Variants in ARHGAP26 observed in about 807,000 individuals in gnomAD.
The protein encoded by ARHGAP26 is rho GTPase-activating protein 26.
In ARHGAP26, 38 loss-of-function variants were observed where a neutral mutation model predicts 104.8. The observed-to-expected ratio is 0.36, with a 90% confidence interval of 0.28 to 0.48. The LOEUF (loss-of-function observed/expected upper bound fraction) is 0.48. Among genes scored for constraint, ARHGAP26 ranks in the 20% least tolerant of loss-of-function variants. ARHGAP26 has a pLI of 0.99. For synonymous variants in ARHGAP26, 341 were observed against 340.0 expected (o/e 1.00, Z -0.03); for missense variants, 704 against 947.9 (o/e 0.74, Z 3.38).
At chr5:142,883,468 T>C (rs1179563402) in intron 4 of ARHGAP26, among the ~76,000 whole-genome samples, 1 of 152,268 alleles carries the variant, frequency 6.6e-6, no homozygotes, top group Non-Finnish European at 1.5e-5. Context: ...TGTTCTTGTA[T>C]GTGAACAGTC....
At chr5:143,160,441 T>G (rs1487837030) in intron 20 of ARHGAP26, among the ~76,000 whole-genome samples, 8 of 151,294 alleles carry the variant, frequency 5.3e-5, no homozygotes, top group African/African-American at 1.9e-4. Context: ...GACAGAAGAG[T>G]AAGGCCTTTA....
intron 17 of ARHGAP26, among the ~76,000 whole-genome samples, chr5:143,096,096 A>G (rs1792267382): frequency 6.6e-6 from 1 of 152,184 alleles, no homozygotes; most frequent in African/African-American, 2.4e-5. Context: ...CAGTTACATT[A>G]AGATCTATTG....
At position 143,149,641 on chromosome 5, in the gene ARHGAP26, G is replaced by A. The variant is rs570753335; in HGVS notation, c.1988+2260G>A. On this transcript the variant is annotated intron_variant, in intron 20 of 22. Coordinates refer to ENST00000645722, the MANE Select transcript of ARHGAP26 (RefSeq NM_001135608.3). ...ATCTGTCGGCACACAGACGTGCCACGGTAACAATCACCTGAGACGACTTGG... is the reference window on the plus strand; with the variant it reads ...ATCTGTCGGCACACAGACGTGCCACAGTAACAATCACCTGAGACGACTTGG... Among the ~76,000 whole-genome samples, 125 of 152,236 alleles carry A rather than the reference G, an allele frequency of 8.2e-4. 1 individual carries two copies. The highest frequency in any genetic ancestry group is 2.2e-4 in the Non-Finnish European group (15 of 68,016).
intron 20 of ARHGAP26, among the ~76,000 whole-genome samples, chr5:143,185,835 G>A (rs529670187): frequency 6.6e-6 from 1 of 152,166 alleles, no homozygotes; most frequent in South Asian, 2.1e-4. Flanking sequence ...GAGGAGTGAA[G>A]CTTCCCAGCC....
chr5:142,821,758 A>G (rs1247286029), intron 1 of ARHGAP26, among the ~76,000 whole-genome samples: 1 of 152,178 alleles, frequency 6.6e-6, no homozygotes, highest in Non-Finnish European at 1.5e-5. Flanking sequence ...AACTCTGTGT[A>G]GGAGGAATTT....
chr5:142,873,377 T>A, intron 1 of ARHGAP26, 23 bp from the exon 2 acceptor site: 2 of 1,575,902 alleles, frequency 1.3e-6, no homozygotes. Context: ...AATTCCTGAT[T>A]TTTCCTGTCT....
intron 20 of ARHGAP26, among the ~76,000 whole-genome samples, chr5:143,149,941 A>T (rs1310729499): frequency 6.6e-6 from 1 of 152,208 alleles, no homozygotes; most frequent in Non-Finnish European, 1.5e-5. Flanking sequence ...TAGTGAAAGA[A>T]ACATGTTTGT....
chr5:143,002,469 G>A (rs1014000051), intron 11 of ARHGAP26, among the ~76,000 whole-genome samples: 6 of 152,084 alleles, frequency 3.9e-5, no homozygotes, highest in African/African-American at 1.4e-4. Flanking sequence ...GATGGGAGGT[G>A]GTCTCTCCTC....
chr5:142,960,991 C>T (rs1055726721), intron 11 of ARHGAP26, among the ~76,000 whole-genome samples: 7 of 152,182 alleles, frequency 4.6e-5, no homozygotes, highest in African/African-American at 1.7e-4. Context: ...ATAAAATTAC[C>T]ACTTGCCTCT....
At chr5:142,816,958 C>T (rs941534082) in intron 1 of ARHGAP26, among the ~76,000 whole-genome samples, 1 of 151,968 alleles carries the variant, frequency 6.6e-6, no homozygotes, top group African/African-American at 2.4e-5. Flanking sequence ...GAGAAACCTA[C>T]AAGTGGGCTG....
chr5:142,907,484 T>G (rs1443833096), intron 8 of ARHGAP26: 3 of 291,804 alleles, frequency 1.0e-5, no homozygotes, highest in African/African-American at 6.5e-5. Flanking sequence ...AACAGTCTTC[T>G]TTGGTCCCTG....
At chr5:142,919,112 T>C in intron 10 of ARHGAP26, 1 of 397,498 alleles carries the variant, frequency 2.5e-6, no homozygotes, top group Non-Finnish European at 4.4e-6. Context: ...TATCTGAAAA[T>C]GTTGCCTTAT....
At chr5:143,128,564 C>T (rs112630382) in intron 18 of ARHGAP26, among the ~76,000 whole-genome samples, 2 of 152,302 alleles carry the variant, frequency 1.3e-5, no homozygotes, top group African/African-American at 4.8e-5. Flanking sequence ...GGCTTCTTAA[C>T]AGTTACAATA....
At chr5:142,941,430 C>G (rs956314944) in intron 11 of ARHGAP26, among the ~76,000 whole-genome samples, 11 of 152,098 alleles carry the variant, frequency 7.2e-5, no homozygotes, top group Non-Finnish European at 1.5e-5. Context: ...AGTGAAATCC[C>G]CAGTGTGGTT....
At chr5:142,966,974 TATC>T in intron 11 of ARHGAP26, among the ~76,000 whole-genome samples, 1 of 152,286 alleles carries the variant, frequency 6.6e-6, no homozygotes, top group East Asian at 1.9e-4. Context: ...TGCATATTAT[TATC>T]ATAACTCTTT....
intron 1 of ARHGAP26, among the ~76,000 whole-genome samples, chr5:142,805,321 C>T (rs888756149): frequency 6.6e-6 from 1 of 152,106 alleles, no homozygotes; most frequent in East Asian, 1.9e-4. Flanking sequence ...AGGCTGTTCT[C>T]GAAGTCCTGA....
intron 12 of ARHGAP26, among the ~76,000 whole-genome samples, chr5:143,024,022 C>T (rs758812866): frequency 1.3e-5 from 2 of 152,186 alleles, no homozygotes; most frequent in Non-Finnish European, 2.9e-5. Flanking sequence ...CCTCACTTTT[C>T]ATTATGAGTT....
chr5:143,169,381 G>C (rs1318227500), intron 20 of ARHGAP26: 1 of 152,188 alleles, frequency 6.6e-6, no homozygotes, highest in African/African-American at 2.4e-5. Flanking sequence ...AGGGGCACAG[G>C]TGTTGCCATC....
At chr5:142,795,280 G>A (rs1032681339) in intron 1 of ARHGAP26, among the ~76,000 whole-genome samples, 1 of 150,350 alleles carries the variant, frequency 6.7e-6, no homozygotes, top group African/African-American at 2.5e-5. Flanking sequence ...GCTGATGAAA[G>A]TGACCACCTC....
Sources: gnomAD v4.1 joint callset for allele counts (sites outside exome capture counted in the v4.1 genomes callset) on GRCh38, gnomAD v4.1.1 for gene constraint, MANE v1.5 for transcripts, NCBI Gene and HGNC (gene_info 2026-07-23, HGNC 2026-07-21) for gene names.